ZNF148: variants seen among roughly 807,000 people sequenced by gnomAD.
ZNF148 encodes the protein Beta-Enolase Repressor Factor-1.
Under a neutral mutation model 67.7 loss-of-function variants are expected in ZNF148, and 7 were observed. The observed-to-expected ratio is 0.10, with a 90% CI of 0.06 to 0.19. The LOEUF (loss-of-function observed/expected upper bound fraction) is 0.19. ZNF148 is among the 10% of genes least tolerant of loss of function. The pLI is 1.00. For missense variants in ZNF148, 583 were observed against 947.1 expected (o/e 0.62, Z 5.05); for synonymous variants, 333 against 330.7 (o/e 1.01, Z -0.08).
chr3:125,282,066 T>C (rs1307687926), intron 5 of ZNF148, among the ~76,000 whole-genome samples: 1 of 152,176 alleles, frequency 6.6e-6, no homozygotes, highest in Non-Finnish European at 1.5e-5. Flanking sequence ...TACCACTTTC[T>C]TGTTTTTTAA....
At chr3:125,292,390 G>A (rs1459646192) in intron 4 of ZNF148, 1 of 152,104 alleles carries the variant, frequency 6.6e-6, no homozygotes, top group African/African-American at 2.4e-5. Context: ...GTAAACTCTG[G>A]TTACTATATC....
chr3:125,344,433 T>A (rs943201344), intron 1 of ZNF148: 3 of 821,602 alleles, frequency 3.7e-6, no homozygotes, highest in Non-Finnish European at 6.3e-6. Context: ...CAAAAAAAAG[T>A]CCTCAAAAGG....
At position 125,279,113 on chromosome 3, in the gene ZNF148, T is replaced by C; in HGVS notation, c.583+11A>G. ...TTAATGGCCACAAGCCCATTTTAAT[T>C]CAAGAAATACCTGTATGAATGAAGA... On this transcript the variant is annotated intron_variant, in intron 6 of 8. Transcript: ENST00000360647. 1 of 1,587,182 alleles carries C rather than the reference T, an allele frequency of 6.3e-7. No homozygotes were observed. Among genetic ancestry groups the C allele is most frequent in the Non-Finnish European group, 8.6e-7 (1 of 1,168,848 alleles).
At chr3:125,295,615 C>G (rs939616220) in intron 4 of ZNF148, among the ~76,000 whole-genome samples, 4 of 152,066 alleles carry the variant, frequency 2.6e-5, no homozygotes, top group African/African-American at 9.7e-5. Context: ...GAAATAAAAT[C>G]CAGTTTCAAA....
intron 7 of ZNF148, among the ~76,000 whole-genome samples, chr3:125,276,719 C>A (rs1292372277): frequency 6.6e-6 from 1 of 152,126 alleles, no homozygotes; most frequent in African/African-American, 2.4e-5. Flanking sequence ...CAGGCATGAG[C>A]CACTGAGCCC....
At chr3:125,335,573 T>C (rs1177297744) in intron 1 of ZNF148, among the ~76,000 whole-genome samples, 1 of 152,192 alleles carries the variant, frequency 6.6e-6, no homozygotes, top group Non-Finnish European at 1.5e-5. Flanking sequence ...AAATGCACCA[T>C]GGTAATTCTT....
chr3:125,259,847 T>G (rs1349208428), intron 7 of ZNF148, among the ~76,000 whole-genome samples: 1 of 152,162 alleles, frequency 6.6e-6, no homozygotes, highest in African/African-American at 2.4e-5. Flanking sequence ...CTTTTCAGCC[T>G]CTCTTGGCTT....
intron 4 of ZNF148, among the ~76,000 whole-genome samples, chr3:125,302,414 T>G (rs1279647026): frequency 6.6e-6 from 1 of 150,958 alleles, no homozygotes; most frequent in African/African-American, 2.4e-5. Flanking sequence ...AAAAAAAAAG[T>G]ACATTAATGA....
At chr3:125,244,857 T>C (rs891235793) in intron 7 of ZNF148, among the ~76,000 whole-genome samples, 9 of 152,106 alleles carry the variant, frequency 5.9e-5, no homozygotes, top group African/African-American at 1.2e-4. Flanking sequence ...TTTCTTTTTC[T>C]TGAAACTCAC....
At position 125,232,554 on chromosome 3, in the gene ZNF148, G is replaced by A. The variant is rs926931835; in HGVS notation, c.2172C>T (p.Tyr724=). 1 of 1,613,724 alleles carries A rather than the reference G, an allele frequency of 6.2e-7. No individual in the cohort carries two copies. Residue 724 remains tyrosine, a synonymous_variant, in exon 9 of 9, where the codon TAC becomes TAT. Coordinates refer to ENST00000360647, the MANE Select transcript of ZNF148 (RefSeq NM_021964.3). This position sits in a 1 kb window ranked among gnomAD's most constrained non-coding sequence, Gnocchi z 4.2. The part of the protein sequence containing the change: ...KAEAQPVHQA[Y]QMSSFEQPFR... ...AGGGCTGTTCAAAGGAGCTCATTTG[G>A]TAAGCTTGGTGGACAGGCTGGGCCT...
chr3:125,236,971 T>TAAC (rs1393954489), intron 7 of ZNF148, among the ~76,000 whole-genome samples: 1 of 152,144 alleles, frequency 6.6e-6, no homozygotes, highest in African/African-American at 2.4e-5. Flanking sequence ...ATGAATGCAT[T>TAAC]AACTAATGAA....
At chr3:125,278,838 A>G (rs1938214557) in intron 6 of ZNF148, among the ~76,000 whole-genome samples, 1 of 152,234 alleles carries the variant, frequency 6.6e-6, no homozygotes, top group Non-Finnish European at 1.5e-5. Context: ...ACTGATAAAC[A>G]GGCTTTTAAT....
chr3:125,341,618 A>C (rs1050965163), intron 1 of ZNF148, among the ~76,000 whole-genome samples: 1 of 152,026 alleles, frequency 6.6e-6, no homozygotes, highest in African/African-American at 2.4e-5. Context: ...AAATAAAATA[A>C]ATAAGCAAAT....
At chr3:125,235,445 C>T (rs1331482480) in intron 7 of ZNF148, among the ~76,000 whole-genome samples, 2 of 152,172 alleles carry the variant, frequency 1.3e-5, no homozygotes, top group African/African-American at 2.4e-5. Flanking sequence ...GCTGCTCCTT[C>T]GATTGGGAAT....
chr3:125,260,855 T>C (rs535549440), intron 7 of ZNF148, among the ~76,000 whole-genome samples: 56 of 152,306 alleles, frequency 3.7e-4, no homozygotes, highest in South Asian at 1.0e-3. Flanking sequence ...AAACAAAACA[T>C]TGGAAAAAAT....
intron 1 of ZNF148, among the ~76,000 whole-genome samples, chr3:125,331,833 A>G (rs1331240266): frequency 2.0e-5 from 3 of 152,210 alleles, no homozygotes; most frequent in Admixed American, 6.5e-5. Context: ...AACATTCCAC[A>G]TTGGTACTGC....
intron 1 of ZNF148, among the ~76,000 whole-genome samples, chr3:125,347,420 A>G (rs939146643): frequency 6.6e-6 from 1 of 152,228 alleles, no homozygotes; most frequent in Admixed American, 6.5e-5. Context: ...GGATGCATAC[A>G]TTCTGATTTT....
At chr3:125,310,093 T>TTTTA (rs2107667569) in intron 4 of ZNF148, among the ~76,000 whole-genome samples, 1 of 151,518 alleles carries the variant, frequency 6.6e-6, no homozygotes, top group South Asian at 2.1e-4. Flanking sequence ...TTTTTTTTTT[T>TTTTA]TTTAAAGACA....
Position 125,321,822 on chromosome 3 carries a change from T to TA in ZNF148, c.-17+1486dup, listed in dbSNP as rs529729432. 1.9e-4 allele frequency among the ~76,000 whole-genome samples: 29 copies of TA among 152,130 alleles called. 1 individual carries two copies. The highest frequency in any genetic ancestry group is 6.3e-4 in the African/African-American group (26 of 41,504). On this transcript the variant is annotated intron_variant, in intron 3 of 8. Coordinates refer to ENST00000360647, the MANE Select transcript of ZNF148 (RefSeq NM_021964.3). The stretch of plus-strand genomic sequence containing the variant: ...CTGTAATCTTACATAATAAATATTT[T>TA]AAAAAAACTTCTTAAAACAAAATTT...
Sources: allele counts gnomAD v4.1 joint callset (sites outside exome capture counted in the v4.1 genomes callset), GRCh38; gene constraint gnomAD v4.1.1; non-coding constraint Gnocchi (gnomAD v3.1); transcripts MANE v1.5; gene names NCBI Gene and HGNC (gene_info 2026-07-23, HGNC 2026-07-21).